GABRE: variants seen among roughly 807,000 people sequenced by gnomAD.
GABRE encodes gamma-aminobutyric acid receptor subunit epsilon.
Under a neutral mutation model 31.0 loss-of-function variants are expected in GABRE, and 20 were observed. That is an observed-to-expected ratio of 0.64 (90% CI 0.45 to 0.94). GABRE has a LOEUF of 0.94. Among genes scored for constraint, GABRE ranks in the 40% least tolerant of loss-of-function variants. The probability of loss-of-function intolerance (pLI) is 0.00; values close to 1 mark genes in which losing one functional copy is unlikely to be tolerated. For missense variants in GABRE, 420 were observed against 410.7 expected (o/e 1.02, Z -0.20); for synonymous variants, 155 against 150.6 (o/e 1.03, Z -0.21).
intron 7 of GABRE, 67 bp downstream of exon 7, chrX:151,955,641 G>A: frequency 8.3e-7 from 1 of 1,200,823 alleles, no homozygotes; most frequent in East Asian, 3.0e-5. Context: ...CCATGACAAG[G>A]CAACTCTGCC....
Position 151,961,952 on chromosome X carries a change from G to A in GABRE, c.563+471C>T, listed in dbSNP as rs1934392161. 1.1e-4 allele frequency among the ~76,000 whole-genome samples: 12 copies of A among 111,793 alleles called. No individual in the cohort carries two copies. The Admixed American group carries it at 1.1e-3, about 11-fold the overall frequency. On this transcript the variant is annotated intron_variant, in intron 4 of 8. Transcript: ENST00000370328. The stretch of plus-strand genomic sequence containing the variant: ...GTTTTCTCGCCCAGCCTAGTTTCCA[G>A]GACCTGCCAACATCCTCCCTGCTAT...
intron 4 of GABRE, 79 bp from the exon 5 acceptor site, chrX:151,961,444 C>T (rs1934368502): frequency 4.8e-6 from 3 of 620,362 alleles, no homozygotes; most frequent in Non-Finnish European, 5.3e-6. Context: ...GGGACTACCA[C>T]CAATGAATGG....
At chrX:151,961,480 G>T in intron 4 of GABRE, 115 bp from the exon 5 acceptor site, 1 of 502,677 alleles carries the variant, frequency 2.0e-6, no homozygotes, top group Non-Finnish European at 3.5e-6. Context: ...TTCTTTGTTT[G>T]TTTGAGACAG....
intron 6 of GABRE, chrX:151,957,355 G>A (rs754533006): frequency 7.1e-6 from 2 of 281,673 alleles, no homozygotes; most frequent in Admixed American, 4.2e-5. Context: ...GCGACCTGTT[G>A]TCAGTGGGAA....
At chrX:151,972,416 G>A in intron 1 of GABRE, 1 of 754,068 alleles carries the variant, frequency 1.3e-6, no homozygotes, top group Non-Finnish European at 1.6e-6. Context: ...ATGGAGCCCT[G>A]AGACCCTGTA....
intron 1 of GABRE, chrX:151,972,116 C>T: frequency 1.3e-6 from 1 of 752,525 alleles, no homozygotes; most frequent in Non-Finnish European, 1.6e-6. Flanking sequence ...GTTGGCATGA[C>T]CCCTGTATTG....
At chrX:151,968,029 G>A (rs758449634) in intron 3 of GABRE, among the ~76,000 whole-genome samples, 1 of 112,674 alleles carries the variant, frequency 8.9e-6, no homozygotes, top group Admixed American at 9.3e-5. Flanking sequence ...ATTATAAAAA[G>A]TCCGTGATTT....
chrX:151,970,633 T>A, intron 1 of GABRE: 2 of 385,256 alleles, frequency 5.2e-6, no homozygotes, highest in Non-Finnish European at 8.8e-6. Flanking sequence ...GATCACTCTT[T>A]TATTTAAGAA....
intron 1 of GABRE, 73 bp downstream of exon 1, chrX:151,974,497 C>CGGGAGCCGTCCCGGCTCCCGGGGAGA: frequency 1.3e-6 from 1 of 749,812 alleles, no homozygotes; most frequent in Non-Finnish European, 1.9e-6. Context: ...GCTGGGGTCC[C>CGGGAGCCGTCCCGGCTCCCGGGGAGA]GGGAGCCGTC....
intron 6 of GABRE, chrX:151,957,619 CA>C: frequency 4.0e-6 from 1 of 250,357 alleles, no homozygotes; most frequent in Admixed American, 5.0e-5. Flanking sequence ...TTATTCTGGC[CA>C]AAAAAGAACC....
rs1934089768 is a variant in GABRE, at chrX:151,954,842, G to A, written c.1380C>T (p.Val460=). The part of the protein sequence containing the change: ...CKRFKKYFCM[V]PDCEGSTWQQ... Reference sequence around the variant, plus strand: ...GCCAGGTACTGCCCTCACAATCGGGGACCATGCAGAAGTACTTCTTAAAAC... The same window carrying A: ...GCCAGGTACTGCCCTCACAATCGGGAACCATGCAGAAGTACTTCTTAAAAC... The change falls in exon 9 of 9, where the codon GTC becomes GTT. Residue 460 remains valine, a synonymous_variant. Transcript: ENST00000370328. 8.3e-7 allele frequency: 1 copy of A among 1,211,998 alleles called. No individual in the cohort carries two copies. The highest frequency in any genetic ancestry group is 1.1e-6 in the Non-Finnish European group (1 of 895,539).
At chrX:151,964,708 C>T (rs1410252051) in intron 3 of GABRE, among the ~76,000 whole-genome samples, 1 of 111,816 alleles carries the variant, frequency 8.9e-6, no homozygotes. Flanking sequence ...CCCCTTTCAG[C>T]TTTTATTTGG....
chrX:151,963,283 G>A (rs1221514959), intron 3 of GABRE, among the ~76,000 whole-genome samples: 1 of 112,221 alleles, frequency 8.9e-6, no homozygotes, highest in Non-Finnish European at 1.9e-5. Context: ...GCCCTCCTGA[G>A]TCTTTTCTCT....
intron 7 of GABRE, 35 bp from the exon 8 acceptor site, chrX:151,955,602 G>A (rs748590514): frequency 8.3e-7 from 1 of 1,198,371 alleles, no homozygotes; most frequent in Admixed American, 2.2e-5. Context: ...CTCAGCTCCT[G>A]ACCTATGTGC....
chrX:151,974,288 A>G (rs113322304), intron 1 of GABRE, among the ~76,000 whole-genome samples: 8 of 111,681 alleles, frequency 7.2e-5, no homozygotes, highest in African/African-American at 2.6e-4. Flanking sequence ...AGTGCTTCTG[A>G]GAGCGGGAAT....
rs1206007176 is a variant in GABRE, at chrX:151,955,591, G to A, written c.938-24C>T. ...CCCTGCAAGAGCACAAGAGTGATGG[G>A]CTCAGCTCCTGACCTATGTGCGACA... is the stretch of plus-strand genomic sequence containing the variant. On this transcript the variant is annotated intron_variant, in intron 7 of 8. Transcript: ENST00000370328. 4 of 1,201,214 alleles carry A rather than the reference G, an allele frequency of 3.3e-6. No individual in the cohort carries two copies. The Admixed American group carries it at 6.5e-5, about 20-fold the overall frequency.
rs907079034 is a variant in GABRE at position 151,961,092 on chromosome X, G to A, written c.646+191C>T. 4.9e-6 allele frequency: 2 copies of A among 410,752 alleles called. 1 individual carries two copies. The highest frequency in any genetic ancestry group is 9.0e-5 in the Admixed American group (2 of 22,254). 33.9% of individuals were successfully genotyped at this position (410,752 alleles called of 1,213,427 possible). A position where few individuals can be genotyped will look rare whatever the true frequency, so the allele number is the denominator to read the frequency against. On this transcript the variant is annotated intron_variant, in intron 5 of 8. Transcript: ENST00000370328. Reference sequence around the variant, plus strand: ...AGACATACTTGAGATACGCTTCAGAGGCACGTGGAAGGGATGAGCAACACA... The same window carrying A: ...AGACATACTTGAGATACGCTTCAGAAGCACGTGGAAGGGATGAGCAACACA...
rs759486126 is a variant in GABRE at position 151,955,871 on chromosome X, CA to C, written c.785-12del. ...TGACCATGAAGTCACCTGAAAGACACAAAAAACATCACTGCATTACAGTGCT... is the reference window on the plus strand; with the variant it reads ...TGACCATGAAGTCACCTGAAAGACACAAAAACATCACTGCATTACAGTGCT... On this transcript the variant is annotated splice_polypyrimidine_tract_variant and intron_variant, in intron 6 of 8. Coordinates refer to ENST00000370328, the MANE Select transcript of GABRE (RefSeq NM_004961.4). 8.3e-7 allele frequency: 1 copy of C among 1,209,259 alleles called. No homozygotes were observed. Among genetic ancestry groups the C allele is most frequent in the East Asian group, 3.0e-5 (1 of 33,833 alleles).
intron 3 of GABRE, among the ~76,000 whole-genome samples, chrX:151,966,811 G>C (rs1415119595): frequency 8.9e-6 from 1 of 112,060 alleles, no homozygotes; most frequent in Admixed American, 9.4e-5. Context: ...CACCTTACTG[G>C]CCAAAGAAAA....
Sources: allele counts gnomAD v4.1 joint callset (sites outside exome capture counted in the v4.1 genomes callset), GRCh38; gene constraint gnomAD v4.1.1; transcripts MANE v1.5; gene names NCBI Gene and HGNC (gene_info 2026-07-23, HGNC 2026-07-21).